The following TOX3 variants were observed in gnomAD, a reference collection of about 807,000 sequenced individuals.
TOX3 encodes CAG trinucleotide repeat-containing gene F9 protein.
Under a neutral mutation model 64.3 loss-of-function variants are expected in TOX3, and 22 were observed. The observed-to-expected ratio is 0.34, with a 90% CI of 0.24 to 0.49. TOX3 has a LOEUF of 0.49. Ranked by LOEUF, TOX3 falls within the 20% of genes least tolerant of loss-of-function variation. TOX3 has a pLI of 0.99. For synonymous variants in TOX3, 291 were observed against 273.6 expected (o/e 1.06, Z -0.63); for missense variants, 661 against 714.4 (o/e 0.93, Z 0.85).
At chr16:52,452,709 A>T (rs1960389799) in intron 3 of TOX3, among the ~76,000 whole-genome samples, 1 of 152,214 alleles carries the variant, frequency 6.6e-6, no homozygotes, top group African/African-American at 2.4e-5. Context: ...GGAAAAAAAA[A>T]GTAAACAAAA....
At chr16:52,493,739 T>A (rs1195126583) in intron 1 of TOX3, among the ~76,000 whole-genome samples, 1 of 152,190 alleles carries the variant, frequency 6.6e-6, no homozygotes, top group Non-Finnish European at 1.5e-5. Flanking sequence ...TTCCACCTCT[T>A]GAAATCCCAC....
At chr16:52,467,782 G>A (rs1469400770) in intron 2 of TOX3, among the ~76,000 whole-genome samples, 1 of 152,110 alleles carries the variant, frequency 6.6e-6, no homozygotes, top group African/African-American at 2.4e-5. Flanking sequence ...ATCAATAATA[G>A]GAAATGCAGT....
In TOX3 at chr16:52,439,127, T is replaced by A. The variant is rs1014377190; in HGVS notation, c.*98A>T. 9 of 1,551,646 alleles carry A rather than the reference T, an allele frequency of 5.8e-6. No individual in the cohort carries two copies. Among genetic ancestry groups the A allele is most frequent in the Non-Finnish European group, 6.1e-6 (7 of 1,141,242 alleles). ...GACCGTTTGATCTGTTACACATTTCTGCATAACCAACACCAACTTACAGGT... is the reference window on the plus strand; with the variant it reads ...GACCGTTTGATCTGTTACACATTTCAGCATAACCAACACCAACTTACAGGT... On this transcript the variant is annotated 3_prime_UTR_variant, in exon 7 of 7. Transcript: ENST00000219746.
chr16:52,480,434 C>T (rs1194842171), intron 1 of TOX3, among the ~76,000 whole-genome samples: 3 of 152,192 alleles, frequency 2.0e-5, no homozygotes, highest in African/African-American at 4.8e-5. Flanking sequence ...TGAAAACAAA[C>T]TTTCAGGCCT....
At chr16:52,545,505 CT>C (rs1466403360) in intron 1 of TOX3, among the ~76,000 whole-genome samples, 1 of 152,262 alleles carries the variant, frequency 6.6e-6, no homozygotes, top group Non-Finnish European at 1.5e-5. Context: ...AATTCCTCCT[CT>C]TCCTGTTATT....
chr16:52,495,174 C>T (rs1468350297), intron 1 of TOX3, among the ~76,000 whole-genome samples: 5 of 152,128 alleles, frequency 3.3e-5, no homozygotes, highest in Non-Finnish European at 7.3e-5. Context: ...TAACAAAACC[C>T]CTTTTACCTT....
At chr16:52,456,051 T>C (rs1226362975) in intron 3 of TOX3, among the ~76,000 whole-genome samples, 5 of 152,086 alleles carry the variant, frequency 3.3e-5, no homozygotes, top group African/African-American at 7.2e-5. Context: ...GACAGTCCAG[T>C]GTGACTGGGC....
At chr16:52,519,408 T>G (rs1377728089) in intron 1 of TOX3, 4 of 1,551,424 alleles carry the variant, frequency 2.6e-6, no homozygotes, top group Non-Finnish European at 3.5e-6. Context: ...GGTCTTACTT[T>G]CAGATAGGTA....
At chr16:52,465,005 C>CTTTTTTTTT (rs1168498170) in intron 2 of TOX3, among the ~76,000 whole-genome samples, 1,200 of 70,978 alleles carry the variant, frequency 0.017, 206 homozygotes, top group Non-Finnish European at 0.021. Flanking sequence ...TTAATGCATT[C>CTTTTTTTTT]TTTTTTTTTT....
chr16:52,482,874 T>C (rs1234592648), intron 1 of TOX3, among the ~76,000 whole-genome samples: 1 of 152,200 alleles, frequency 6.6e-6, no homozygotes, highest in South Asian at 2.1e-4. Context: ...GGTTAATAAC[T>C]GAGGGGAATA....
intron 1 of TOX3, among the ~76,000 whole-genome samples, chr16:52,521,718 T>C (rs949278521): frequency 1.3e-5 from 2 of 152,326 alleles, no homozygotes; most frequent in Non-Finnish European, 2.9e-5. Flanking sequence ...GAACTCAAAC[T>C]GTGATCCCAG....
At chr16:52,445,539 T>C (rs1294561190) in intron 5 of TOX3, 2 of 153,444 alleles carry the variant, frequency 1.3e-5, no homozygotes, top group Non-Finnish European at 2.9e-5. Context: ...AAATTTCAAA[T>C]GCCCGGTGAC....
intron 5 of TOX3, chr16:52,445,452 A>G (rs1351512704): frequency 6.6e-6 from 1 of 152,372 alleles, no homozygotes; most frequent in African/African-American, 2.4e-5. Context: ...CGAAGCCCCT[A>G]AGGAAGTATC....
intron 1 of TOX3, among the ~76,000 whole-genome samples, chr16:52,497,167 C>A (rs1178075142): frequency 6.6e-6 from 1 of 152,162 alleles, no homozygotes; most frequent in African/African-American, 2.4e-5. Flanking sequence ...TGAAAATCAG[C>A]AATACTTCGG....
At chr16:52,491,273 C>A (rs1285687480) in intron 1 of TOX3, among the ~76,000 whole-genome samples, 2 of 151,972 alleles carry the variant, frequency 1.3e-5, no homozygotes, top group Non-Finnish European at 2.9e-5. Context: ...CTGTTAACAT[C>A]CAATGGGGTG....
At chr16:52,490,142 CT>C (rs113491856) in intron 1 of TOX3, among the ~76,000 whole-genome samples, 4,179 of 152,204 alleles carry the variant, frequency 0.027, 193 homozygotes, top group African/African-American at 0.097. Context: ...AGATTTCCCG[CT>C]TGCTGTTCTC....
chr16:52,545,078 CTGCCTAAGTCCCT>C, intron 1 of TOX3, among the ~76,000 whole-genome samples: 1 of 152,226 alleles, frequency 6.6e-6, no homozygotes, highest in Non-Finnish European at 1.5e-5. Context: ...CTTAATTAGG[CTGCCTAAGTCCCT>C]TACTGAGCAT....
rs140446031 is a variant in TOX3, at chr16:52,458,847, G to T, written c.408+5087C>A. On this transcript the variant is annotated intron_variant, in intron 3 of 6. Transcript: ENST00000219746. ...AAGTGTCTGTGGCCTGGGTATTTTT[G>T]GCAGACAATTATCAAGGTATAGTAA... Among the ~76,000 whole-genome samples the T allele has an allele frequency of 4.3e-3, 649 of 152,200 alleles. 5 individuals carry two copies. Among genetic ancestry groups the T allele is most frequent in the African/African-American group, 0.015 (621 of 41,520 alleles).
rs980029274 is a variant in TOX3, at chr16:52,497,977, T to C, written c.88-29403A>G. 6.4e-4 allele frequency among the ~76,000 whole-genome samples: 98 copies of C among 152,208 alleles called. 1 individual carries two copies. The highest frequency in any genetic ancestry group is 2.2e-3 in the Admixed American group (34 of 15,280). On this transcript the variant is annotated intron_variant, in intron 1 of 6. Transcript: ENST00000219746. ...ATTCACCGTAGAACCCAGAGGATGA[T>C]GCGATCTACTGCACATTACTCCCCA...
Sources: gnomAD v4.1 joint callset for allele counts (sites outside exome capture counted in the v4.1 genomes callset) on GRCh38, gnomAD v4.1.1 for gene constraint, MANE v1.5 for transcripts, NCBI Gene and HGNC (gene_info 2026-07-23, HGNC 2026-07-21) for gene names.